Variants in DNAH5 observed in about 807,000 individuals in gnomAD.
DNAH5 encodes the protein axonemal beta dynein heavy chain 5.
A neutral mutation model predicts 518.2 loss-of-function variants in DNAH5; 372 were observed. The ratio of observed to expected loss-of-function variants is 0.72; its 90% CI spans 0.66 to 0.78. The LOEUF is 0.78. DNAH5 is among the 30% of genes least tolerant of loss of function. The probability of loss-of-function intolerance (pLI) is 0.00; values close to 1 mark genes in which losing one functional copy is unlikely to be tolerated. For synonymous variants in DNAH5, 2,039 were observed against 2,025.9 expected (o/e 1.01, Z -0.17); for missense variants, 5,523 against 5,687.0 (o/e 0.97, Z 0.93).
chr5:14,009,316 G>A (rs414105), intron 1 of DNAH5, among the ~76,000 whole-genome samples: 8,773 of 152,216 alleles, frequency 0.058, 859 homozygotes, highest in African/African-American at 0.2. Context: ...AAATAGCCAT[G>A]CTCACTGTAT....
intron 47 of DNAH5, among the ~76,000 whole-genome samples, chr5:13,797,744 C>CACA (rs1427549548): frequency 1.1e-4 from 17 of 152,224 alleles, no homozygotes; most frequent in South Asian, 2.1e-4. Flanking sequence ...ACTATAAAGA[C>CACA]ACATGCACAC....
chr5:13,726,022 A>G (rs550947614), intron 70 of DNAH5, among the ~76,000 whole-genome samples: 3 of 152,216 alleles, frequency 2.0e-5, no homozygotes, highest in African/African-American at 4.8e-5. Context: ...CATTTTTGCA[A>G]TCAGGCATGC....
At chr5:13,798,357 G>C (rs934550946) in intron 47 of DNAH5, among the ~76,000 whole-genome samples, 2 of 152,110 alleles carry the variant, frequency 1.3e-5, no homozygotes, top group African/African-American at 4.8e-5. Flanking sequence ...ATGTATGCAT[G>C]AGTAACCAGA....
Position 13,911,505 on chromosome 5 carries a change from TGA to T in DNAH5, c.1537-14_1537-13del. Reference sequence around the variant, plus strand: ...GTTGCCACAATGCCCTGAAATATTATGAGATAAATTAGATAATATTTCAATAT... The same window carrying T: ...GTTGCCACAATGCCCTGAAATATTATGATAAATTAGATAATATTTCAATAT... On this transcript the variant is annotated splice_polypyrimidine_tract_variant and intron_variant, in intron 11 of 78. Transcript: ENST00000265104. 1.3e-6 allele frequency: 2 copies of T among 1,582,952 alleles called. No homozygotes were observed. Among genetic ancestry groups the T allele is most frequent in the Non-Finnish European group, 1.7e-6 (2 of 1,152,502 alleles).
intron 58 of DNAH5, 61 bp from the exon 59 acceptor site, chr5:13,766,240 T>C: frequency 2.5e-6 from 4 of 1,570,330 alleles, no homozygotes; most frequent in African/African-American, 2.7e-5. Context: ...AAGCAAACCT[T>C]GCATGTCCAA....
intron 65 of DNAH5, among the ~76,000 whole-genome samples, chr5:13,748,350 T>C (rs1749709254): frequency 6.6e-6 from 1 of 152,200 alleles, no homozygotes. Flanking sequence ...AGGATTGTCT[T>C]GGCAATGTGG....
In DNAH5 at chr5:13,845,010, A is replaced by G; in HGVS notation, c.5115-17T>C. The G allele has an allele frequency of 6.2e-7, 1 of 1,612,712 alleles. No individual in the cohort carries two copies. On this transcript the variant is annotated splice_polypyrimidine_tract_variant and intron_variant, in intron 31 of 78. Coordinates refer to ENST00000265104, the MANE Select transcript of DNAH5 (RefSeq NM_001369.3). Reference sequence around the variant, plus strand: ...TCCAAGTACCTACAAGGAGAGGAAAAACATAAACCTTTATAACCACACAAA... The same window carrying G: ...TCCAAGTACCTACAAGGAGAGGAAAGACATAAACCTTTATAACCACACAAA...
intron 51 of DNAH5, among the ~76,000 whole-genome samples, chr5:13,787,570 G>T (rs569593453): frequency 6.6e-6 from 1 of 152,030 alleles, no homozygotes; most frequent in African/African-American, 2.4e-5. Flanking sequence ...GACACAAAAG[G>T]TTATGCATTT....
chr5:13,898,918 CT>C (rs1774235531), intron 15 of DNAH5: 11 of 288,844 alleles, frequency 3.8e-5, no homozygotes, highest in East Asian at 1.7e-4. Context: ...CCTTGGCTTC[CT>C]TTTTTTGTTG....
At chr5:13,724,441 T>C (rs1190782263) in intron 70 of DNAH5, among the ~76,000 whole-genome samples, 4 of 152,068 alleles carry the variant, frequency 2.6e-5, no homozygotes, top group Non-Finnish European at 4.4e-5. Context: ...GGCTCACAGG[T>C]GGGAGGAGAT....
At chr5:13,793,878 T>G in intron 48 of DNAH5, 58 bp downstream of exon 48, 1 of 1,593,550 alleles carries the variant, frequency 6.3e-7, no homozygotes, top group Non-Finnish European at 8.5e-7. Context: ...TAAAAACTCT[T>G]CTAAGAATAA....
chr5:13,704,854 C>T (rs1742571852), intron 76 of DNAH5, among the ~76,000 whole-genome samples: 1 of 151,924 alleles, frequency 6.6e-6, no homozygotes, highest in Non-Finnish European at 1.5e-5. Context: ...ATGGTGGTTA[C>T]CAGAGACTAG....
intron 70 of DNAH5, among the ~76,000 whole-genome samples, chr5:13,726,302 A>G (rs144135897): frequency 6.6e-6 from 1 of 152,356 alleles, no homozygotes; most frequent in East Asian, 1.9e-4. Flanking sequence ...TGAAAAGCCA[A>G]TGAATGGCAC....
intron 21 of DNAH5, among the ~76,000 whole-genome samples, chr5:13,881,397 C>A (rs924850247): frequency 6.6e-6 from 1 of 151,928 alleles, no homozygotes. Context: ...ATGTTAGACA[C>A]AAAATGAGTC....
chr5:13,900,191 A>T lies in DNAH5; in HGVS notation c.2259+15T>A. The T allele has an allele frequency of 6.2e-7, 1 of 1,604,866 alleles. No homozygotes were observed. Among genetic ancestry groups the T allele is most frequent in the South Asian group, 1.1e-5 (1 of 90,874 alleles). On this transcript the variant is annotated intron_variant, in intron 15 of 78. Coordinates refer to ENST00000265104, the MANE Select transcript of DNAH5 (RefSeq NM_001369.3). ...AGCTAGCCAAGAATGGGGGGAAAAA[A>T]TAAAAGTAGTATACCTTCATGTTAC...
At chr5:13,967,414 C>A (rs1417717152) in intron 1 of DNAH5, among the ~76,000 whole-genome samples, 1 of 152,170 alleles carries the variant, frequency 6.6e-6, no homozygotes, top group Non-Finnish European at 1.5e-5. Flanking sequence ...ATTATCCCAG[C>A]ACCATTTGTT....
intron 65 of DNAH5, among the ~76,000 whole-genome samples, chr5:13,746,243 G>C (rs1277274419): frequency 2.0e-5 from 3 of 152,140 alleles, no homozygotes; most frequent in Non-Finnish European, 4.4e-5. Context: ...GCTGTGGAGA[G>C]AGAGGATGGG....
rs748538358 is a variant in DNAH5, at chr5:13,883,053, T to C, written c.3025A>G (p.Ile1009Val). The change falls in exon 20 of 79, where the codon ATT becomes GTT. Residue 1009 changes from isoleucine (I) to valine (V), a missense_variant. Ile to Val is a conservative substitution (Grantham distance 29, BLOSUM62 3). Around this residue, in one of 3 missense-constraint regions of DNAH5, gnomAD observed 5,121 missense variants for 5,223.3 expected, o/e 0.98. Coordinates refer to ENST00000265104, the MANE Select transcript of DNAH5 (RefSeq NM_001369.3). ...GCCAGAGTGACGCTTGCCCGGAAAA[T>C]GGGCAAACTGTTCTGCTTCATGTTA... ...ASNMKQNSLP[I>V]FRASVTLAIP... 2 of 1,614,142 alleles carry C rather than the reference T, an allele frequency of 1.2e-6. No homozygotes were observed. The highest frequency in any genetic ancestry group is 2.2e-5 in the South Asian group (2 of 91,074).
At position 13,755,158 on chromosome 5, in the gene DNAH5, G is replaced by A. The variant is rs1580077139; in HGVS notation, c.10420-820C>T. Among the ~76,000 whole-genome samples, 6 of 152,174 alleles carry A rather than the reference G, an allele frequency of 3.9e-5. No homozygotes were observed. In the Middle Eastern group the frequency reaches 0.02, roughly 518 times the overall value. On this transcript the variant is annotated intron_variant, in intron 61 of 78. Transcript: ENST00000265104. ...AAAAAACAAATGGCTCTGTTTCTTA[G>A]TGTTTAAGCAACAATTGCTTATTCT... is the stretch of plus-strand genomic sequence containing the variant.
Sources: gnomAD v4.1 joint callset for allele counts (sites outside exome capture counted in the v4.1 genomes callset) on GRCh38, gnomAD v4.1.1 for gene constraint, gnomAD v4.1.1 regional missense constraint, MANE v1.5 for transcripts, NCBI Gene and HGNC (gene_info 2026-07-23, HGNC 2026-07-21) for gene names.